RAB3IL1: variants seen among roughly 807,000 people sequenced by gnomAD.
The protein encoded by RAB3IL1 is guanine nucleotide exchange factor for Rab-3A.
Under a neutral mutation model 49.2 loss-of-function variants are expected in RAB3IL1, and 37 were observed. That is an observed-to-expected ratio of 0.75 (90% CI 0.58 to 0.99). The LOEUF is 0.99. Ranked by LOEUF, RAB3IL1 falls within the 50% of genes least tolerant of loss-of-function variation. The pLI is 0.00. For missense variants in RAB3IL1, 484 were observed against 513.0 expected (o/e 0.94, Z 0.55); for synonymous variants, 193 against 213.9 (o/e 0.90, Z 0.85).
intron 1 of RAB3IL1, among the ~76,000 whole-genome samples, chr11:61,911,999 G>A (rs1411616298): frequency 6.6e-6 from 1 of 152,216 alleles, no homozygotes; most frequent in Non-Finnish European, 1.5e-5. Context: ...AGCCAGCAGG[G>A]CCTGGCCAGT....
chr11:61,906,552 G>A lies in RAB3IL1; in HGVS notation c.571C>T (p.Arg191Cys), dbSNP rs74422697. The change falls in exon 5 of 10, where the codon CGC (arginine) becomes TGC (cysteine). Residue 191 changes from arginine to cysteine, a missense_variant. Physicochemically the swap from Arg to Cys is radical, Grantham distance 180. Transcript: ENST00000394836. The surrounding 1 kb of genome is among the most constrained non-coding windows in gnomAD (Gnocchi z 4.6). The part of the protein sequence containing the change: ...TKAGPRKGHS[R>C]HKSTSSTLCP... ...AGGGTGCTGCTGGTGCTCTTGTGGC[G>A]AGAGTGGCCCTTTCGGGGCCCGGCC... The A allele has an allele frequency of 3.2e-5, 51 of 1,584,072 alleles. No individual in the cohort carries two copies. Among genetic ancestry groups the A allele is most frequent in the African/African-American group, 9.4e-5 (7 of 74,546 alleles).
At chr11:61,945,986 C>T in the RAB3IL1 span, among the ~76,000 whole-genome samples, 1 of 152,180 alleles carries the variant, frequency 6.6e-6, no homozygotes, top group Non-Finnish European at 1.5e-5. Context: ...GTTTCTATCT[C>T]TTTGAATGTT....
chr11:61,915,151 T>C, intron 1 of RAB3IL1, among the ~76,000 whole-genome samples: 1 of 152,136 alleles, frequency 6.6e-6, no homozygotes, highest in Non-Finnish European at 1.5e-5. Context: ...CATCTGCATT[T>C]ATGAAGCACC....
chr11:61,903,696 A>T (rs1336194793), intron 7 of RAB3IL1, among the ~76,000 whole-genome samples: 2 of 151,820 alleles, frequency 1.3e-5, no homozygotes, highest in Admixed American at 6.6e-5. Flanking sequence ...GCTAACTTTT[A>T]TATCTTTAGT....
At chr11:61,921,528 TCC>T (rs1439969360), upstream of RAB3IL1, among the ~76,000 whole-genome samples, 2 of 152,148 alleles carry the variant, frequency 1.3e-5, no homozygotes, top group African/African-American at 4.8e-5. Context: ...TAGGAAGCCC[TCC>T]CCTGTGGGTT....
At chr11:61,909,266 AG>A (rs1022366579) in intron 1 of RAB3IL1, among the ~76,000 whole-genome samples, 4 of 151,984 alleles carry the variant, frequency 2.6e-5, no homozygotes. Context: ...GCTGCACCAG[AG>A]GGGGAAGGCA....
At chr11:61,907,740 G>C in intron 2 of RAB3IL1, 80 bp from the exon 3 acceptor site, 1 of 1,287,508 alleles carries the variant, frequency 7.8e-7, no homozygotes, top group Non-Finnish European at 1.1e-6. Context: ...ACCGGACCAG[G>C]TTCCATCCCC....
At chr11:61,932,168 G>A in the RAB3IL1 span, among the ~76,000 whole-genome samples, 13 of 151,928 alleles carry the variant, frequency 8.6e-5, no homozygotes, top group East Asian at 1.9e-4. Context: ...GGAGAATGGC[G>A]TGAACCCGGG....
At chr11:61,920,950 C>T (rs1047523861), upstream of RAB3IL1, among the ~76,000 whole-genome samples, 18 of 152,158 alleles carry the variant, frequency 1.2e-4, no homozygotes, top group African/African-American at 4.3e-4. Context: ...AAACAAAAAA[C>T]TGTTATTTTT....
At chr11:61,934,193 G>A in the RAB3IL1 span, among the ~76,000 whole-genome samples, 2 of 151,280 alleles carry the variant, frequency 1.3e-5, no homozygotes, top group African/African-American at 2.4e-5. Context: ...ATCCAGGTTG[G>A]AGTGCAGTGG....
At position 61,897,317 on chromosome 11, in the gene RAB3IL1, C is replaced by T. The variant is rs1938676265; in HGVS notation, c.*961G>A. On this transcript the variant is annotated 3_prime_UTR_variant, in exon 10 of 10. Transcript: ENST00000394836. ...CCCAGCCTGTACCAACAAAGCCTGC[C>T]TTTATTAAATAGAGATCGCGTTACA... 1 of 152,642 alleles carries T rather than the reference C, an allele frequency of 6.6e-6. No individual in the cohort carries two copies. Among genetic ancestry groups the T allele is most frequent in the Non-Finnish European group, 1.5e-5 (1 of 68,074 alleles). The allele number at this position is 152,642 out of a possible 1,614,324, so 9.5% of individuals were successfully genotyped here.
chr11:61,902,273 G>T (rs1214940758), intron 8 of RAB3IL1, among the ~76,000 whole-genome samples, 169 bp downstream of exon 8: 1 of 152,232 alleles, frequency 6.6e-6, no homozygotes, highest in East Asian at 1.9e-4. Context: ...AACTGAGATT[G>T]TGCCACTGCA....
chr11:61,913,070 C>T (rs926778724), intron 1 of RAB3IL1, among the ~76,000 whole-genome samples: 7 of 152,098 alleles, frequency 4.6e-5, no homozygotes, highest in Admixed American at 2.0e-4. Flanking sequence ...GGAAGTGGCA[C>T]GTCCCGTAGG....
chr11:61,934,454 A>ATATATG, the RAB3IL1 span, among the ~76,000 whole-genome samples: 1 of 15,206 alleles, frequency 6.6e-5, no homozygotes, highest in Non-Finnish European at 1.9e-4. Flanking sequence ...GTGTATGTAT[A>ATATATG]TATATATATA....
chr11:61,928,611 C>T, the RAB3IL1 span, among the ~76,000 whole-genome samples: 1 of 150,480 alleles, frequency 6.6e-6, no homozygotes, highest in African/African-American at 2.4e-5. Flanking sequence ...GGAGCTAAGA[C>T]CCTCCAAATA....
chr11:61,902,561 G>T lies in RAB3IL1; in HGVS notation c.900-20C>A. 1 of 1,580,898 alleles carries T rather than the reference G, an allele frequency of 6.3e-7. No individual in the cohort carries two copies. Among genetic ancestry groups the T allele is most frequent in the Non-Finnish European group, 8.6e-7 (1 of 1,164,346 alleles). On this transcript the variant is annotated intron_variant, in intron 7 of 9. Transcript: ENST00000394836. Reference sequence around the variant, plus strand: ...CATGTGCTAGGGGAAAGCAAAATGGGTCACGGGGGCTGGCTGGGGCTTGCC... The same window carrying T: ...CATGTGCTAGGGGAAAGCAAAATGGTTCACGGGGGCTGGCTGGGGCTTGCC...
chr11:61,908,377 C>G, intron 1 of RAB3IL1, 71 bp from the exon 2 acceptor site: 3 of 1,332,014 alleles, frequency 2.3e-6, no homozygotes, highest in Non-Finnish European at 2.9e-6. Context: ...GTCCAGAAAC[C>G]GCCCCGGGGC....
At chr11:61,925,370 C>T in the RAB3IL1 span, among the ~76,000 whole-genome samples, 1 of 152,164 alleles carries the variant, frequency 6.6e-6, no homozygotes, top group Non-Finnish European at 1.5e-5. Context: ...CAGTGGTTCA[C>T]ACCTGTAATT....
chr11:61,921,336 T>G (rs1471990519), upstream of RAB3IL1, among the ~76,000 whole-genome samples: 1 of 152,136 alleles, frequency 6.6e-6, no homozygotes, highest in Non-Finnish European at 1.5e-5. Context: ...CACGTTAGCC[T>G]CTCCGTGCCT....
Sources: allele counts gnomAD v4.1 joint callset (sites outside exome capture counted in the v4.1 genomes callset), GRCh38; gene constraint gnomAD v4.1.1; non-coding constraint Gnocchi (gnomAD v3.1); transcripts MANE v1.5; gene names NCBI Gene and HGNC (gene_info 2026-07-23, HGNC 2026-07-21).